Variants in C2CD3 observed in about 807,000 individuals in gnomAD.
The protein encoded by C2CD3 is C2 domain containing 3 centriole elongation regulator, also known as C2 domain-containing protein 3.
A neutral mutation model predicts 234.0 loss-of-function variants in C2CD3; 148 were observed. The ratio of observed to expected loss-of-function variants is 0.63; its 90% CI spans 0.55 to 0.72. The LOEUF (loss-of-function observed/expected upper bound fraction) is 0.72. Among genes scored for constraint, C2CD3 ranks in the 30% least tolerant of loss-of-function variants. The pLI, the probability that C2CD3 is intolerant of heterozygous loss-of-function variation, is 0.00. For missense variants in C2CD3, 2,577 were observed against 2,811.5 expected (o/e 0.92, Z 1.89); for synonymous variants, 1,000 against 1,035.4 (o/e 0.97, Z 0.66).
chr11:74,034,459 T>G, intron 30 of C2CD3, 181 bp from the exon 31 acceptor site: 1 of 1,549,754 alleles, frequency 6.5e-7, no homozygotes, highest in Non-Finnish European at 8.7e-7. Flanking sequence ...TTTAGTACTT[T>G]ATTCTAATAT....
At chr11:74,157,948 A>G (rs1225608886) in intron 3 of C2CD3, among the ~76,000 whole-genome samples, 2 of 152,224 alleles carry the variant, frequency 1.3e-5, no homozygotes, top group African/African-American at 2.4e-5. Context: ...ACATAAGTTG[A>G]TATCTTCAAT....
chr11:74,115,241 TAC>T (rs1956885028), intron 9 of C2CD3, among the ~76,000 whole-genome samples: 2 of 151,700 alleles, frequency 1.3e-5, no homozygotes, highest in Non-Finnish European at 1.5e-5. Context: ...TACATATATA[TAC>T]ACACACTTAT....
intron 3 of C2CD3, chr11:74,142,187 T>C (rs1854847668): frequency 6.6e-6 from 1 of 152,174 alleles, no homozygotes; most frequent in Non-Finnish European, 1.5e-5. Context: ...ACCTTAGATA[T>C]GGTTGCAATT....
chr11:74,123,733 G>T (rs1356537340), intron 7 of C2CD3, among the ~76,000 whole-genome samples: 1 of 142,874 alleles, frequency 7.0e-6, no homozygotes, highest in Admixed American at 7.2e-5. Context: ...TCCCACGCTG[G>T]TATCTTTTTT....
intron 2 of C2CD3, among the ~76,000 whole-genome samples, chr11:74,161,906 C>G (rs1334167811): frequency 6.6e-6 from 1 of 150,930 alleles, no homozygotes; most frequent in African/African-American, 2.4e-5. Context: ...ACCTCGAACT[C>G]CAGGACTCAA....
At chr11:74,028,646 A>G (rs1952402912) in intron 31 of C2CD3, among the ~76,000 whole-genome samples, 1 of 152,214 alleles carries the variant, frequency 6.6e-6, no homozygotes, top group Non-Finnish European at 1.5e-5. Flanking sequence ...TCTTAGCCCC[A>G]CAGTGATCCC....
intron 7 of C2CD3, among the ~76,000 whole-genome samples, chr11:74,127,093 A>C (rs1957438074): frequency 6.6e-6 from 1 of 152,158 alleles, no homozygotes; most frequent in Non-Finnish European, 1.5e-5. Context: ...CTGCAGCCTC[A>C]ACCTCCCAGT....
intron 3 of C2CD3, among the ~76,000 whole-genome samples, chr11:74,144,902 A>C (rs1448250639): frequency 1.3e-5 from 2 of 152,190 alleles, no homozygotes; most frequent in Admixed American, 1.3e-4. Context: ...ATAGTGCTGC[A>C]ATGAACATAA....
Position 74,064,947 on chromosome 11 carries a change from A to G in C2CD3, c.4952-7403T>C, listed in dbSNP as rs889316745. Among the ~76,000 whole-genome samples, 6 of 152,358 alleles carry G rather than the reference A, an allele frequency of 3.9e-5. No individual in the cohort carries two copies. The East Asian group carries it at 1.2e-3, about 29-fold the overall frequency. Reference sequence around the variant, plus strand: ...GATGGATTAAAGACTTAAATGTTAGACCTAAAACCATAAAAACCCTAGAAG... The same window carrying G: ...GATGGATTAAAGACTTAAATGTTAGGCCTAAAACCATAAAAACCCTAGAAG... On this transcript the variant is annotated intron_variant, in intron 24 of 32. Coordinates refer to ENST00000334126, the MANE Select transcript of C2CD3 (RefSeq NM_001286577.2).
Position 74,138,788 on chromosome 11 carries a change from A to C in C2CD3, c.887T>G (p.Val296Gly). The C allele has an allele frequency of 1.2e-6, 2 of 1,613,158 alleles. No homozygotes were observed. The highest frequency in any genetic ancestry group is 1.7e-6 in the Non-Finnish European group (2 of 1,179,096). ...GCATGAGTCACTGTGACTCTTGGCAACTGTTCTAATTTGAGGCTGGAATTC... is the reference window on the plus strand; with the variant it reads ...GCATGAGTCACTGTGACTCTTGGCACCTGTTCTAATTTGAGGCTGGAATTC... The part of the protein sequence containing the change: ...SSEFQPQIRT[V>G]AKSHSDSCIL... Residue 296 changes from valine to glycine, a missense_variant, in exon 5 of 33, where the codon GTT becomes GGT. Val to Gly is a moderately radical substitution (Grantham distance 109). Coordinates refer to ENST00000334126, the MANE Select transcript of C2CD3 (RefSeq NM_001286577.2).
intron 3 of C2CD3, among the ~76,000 whole-genome samples, chr11:74,141,546 C>CCATTGTA (rs1231437053): frequency 2.6e-5 from 4 of 152,188 alleles, no homozygotes; most frequent in Non-Finnish European, 4.4e-5. Context: ...AACTCATAGG[C>CCATTGTA]CTGTACTGCC....
intron 7 of C2CD3, among the ~76,000 whole-genome samples, chr11:74,127,439 A>C (rs1226306536): frequency 6.6e-6 from 1 of 151,862 alleles, no homozygotes; most frequent in Non-Finnish European, 1.5e-5. Flanking sequence ...TCATCAGCTG[A>C]TAGACATTTA....
intron 8 of C2CD3, among the ~76,000 whole-genome samples, chr11:74,120,772 C>T (rs1453299096): frequency 2.0e-5 from 3 of 152,194 alleles, no homozygotes; most frequent in Non-Finnish European, 4.4e-5. Flanking sequence ...TATTTCTCCA[C>T]ATCCTCTCCT....
At chr11:74,145,519 T>C (rs547798570) in intron 3 of C2CD3, among the ~76,000 whole-genome samples, 2 of 152,312 alleles carry the variant, frequency 1.3e-5, no homozygotes, top group Admixed American at 1.3e-4. Context: ...TTGCCTCTGT[T>C]GATAGTTTCT....
intron 29 of C2CD3, among the ~76,000 whole-genome samples, chr11:74,039,105 A>G (rs945710621): frequency 6.6e-6 from 1 of 152,230 alleles, no homozygotes; most frequent in African/African-American, 2.4e-5. Context: ...ATATCGTGGT[A>G]TATGCCACAT....
intron 3 of C2CD3, among the ~76,000 whole-genome samples, chr11:74,148,414 T>C (rs530825150): frequency 1.1e-4 from 17 of 151,746 alleles, no homozygotes; most frequent in East Asian, 7.7e-4. Context: ...TATGTATATA[T>C]ACACACATAT....
intron 31 of C2CD3, among the ~76,000 whole-genome samples, chr11:74,029,108 A>C (rs2135408997): frequency 6.6e-6 from 1 of 152,194 alleles, no homozygotes; most frequent in East Asian, 1.9e-4. Flanking sequence ...GTTATCTTGC[A>C]CTTCTCCTCC....
chr11:74,072,250 A>G (rs1042273740), intron 24 of C2CD3, among the ~76,000 whole-genome samples: 4 of 152,224 alleles, frequency 2.6e-5, no homozygotes, highest in Admixed American at 1.3e-4. Flanking sequence ...CTGATACACA[A>G]TGGCTGAAAT....
intron 24 of C2CD3, among the ~76,000 whole-genome samples, chr11:74,069,585 C>T (rs981545179): frequency 8.5e-5 from 13 of 152,216 alleles, no homozygotes; most frequent in African/African-American, 2.4e-4. Context: ...AGATAGGCAT[C>T]TCTATCCCTA....
Sources: gnomAD v4.1 joint callset for allele counts (sites outside exome capture counted in the v4.1 genomes callset) on GRCh38, gnomAD v4.1.1 for gene constraint, MANE v1.5 for transcripts, NCBI Gene and HGNC (gene_info 2026-07-23, HGNC 2026-07-21) for gene names.